VIT: variants seen among roughly 807,000 people sequenced by gnomAD.
VIT encodes vitrin.
A neutral mutation model predicts 78.0 loss-of-function variants in VIT; 99 were observed. The observed-to-expected ratio is 1.27, with a 90% confidence interval of 1.08 to 1.50. VIT has a LOEUF of 1.50. Ranked by LOEUF, VIT falls within the 40% of genes most tolerant of loss-of-function variation. The pLI, the probability that VIT is intolerant of heterozygous loss-of-function variation, is 0.00. For missense variants in VIT, 1,126 were observed against 875.3 expected, an observed-to-expected ratio of 1.29 and a Z score of -3.61; for synonymous variants, 374 against 334.3, an observed-to-expected ratio of 1.12 and a Z score of -1.29.
At chr2:36,753,475 T>C (rs777301609) in intron 4 of VIT, among the ~76,000 whole-genome samples, 14 of 152,192 alleles carry the variant, frequency 9.2e-5, no homozygotes, top group Non-Finnish European at 1.3e-4. Flanking sequence ...TTCCATTTTG[T>C]TGAGAGACAA....
At chr2:36,789,559 G>C (rs969709017) in intron 12 of VIT, among the ~76,000 whole-genome samples, 2 of 152,070 alleles carry the variant, frequency 1.3e-5, no homozygotes, top group Non-Finnish European at 2.9e-5. Context: ...TGAGGCTGAG[G>C]GGGAGACACA....
chr2:36,799,244 C>A (rs1327572677), intron 12 of VIT, among the ~76,000 whole-genome samples: 2 of 152,182 alleles, frequency 1.3e-5, no homozygotes, highest in Non-Finnish European at 2.9e-5. Flanking sequence ...CAGACACTTT[C>A]TCCTCTCTCC....
chr2:36,724,287 G>A (rs1232114803), intron 2 of VIT, among the ~76,000 whole-genome samples: 1 of 152,118 alleles, frequency 6.6e-6, no homozygotes, highest in Non-Finnish European at 1.5e-5. Flanking sequence ...CTGCATGATT[G>A]CCTTGGAATT....
intron 12 of VIT, among the ~76,000 whole-genome samples, chr2:36,793,236 G>T (rs1665631183): frequency 6.6e-6 from 1 of 152,184 alleles, no homozygotes; most frequent in South Asian, 2.1e-4. Context: ...AGCAGGAAGA[G>T]GTTCATGCAG....
At chr2:36,739,221 C>G (rs1487080476) in intron 3 of VIT, among the ~76,000 whole-genome samples, 2 of 151,980 alleles carry the variant, frequency 1.3e-5, no homozygotes, top group African/African-American at 2.4e-5. Context: ...AGGCATGAGG[C>G]AAGCTTACGA....
At chr2:36,706,005 C>T (rs1329680935) in intron 1 of VIT, among the ~76,000 whole-genome samples, 2 of 152,174 alleles carry the variant, frequency 1.3e-5, no homozygotes, top group South Asian at 2.1e-4. Context: ...ATGTCTCCTG[C>T]GGGACCAAAT....
At chr2:36,800,208 G>A (rs912243158) in intron 12 of VIT, among the ~76,000 whole-genome samples, 1 of 152,106 alleles carries the variant, frequency 6.6e-6, no homozygotes, top group African/African-American at 2.4e-5. Flanking sequence ...AGCCAGGCGC[G>A]GTGGCAGGTG....
chr2:36,747,113 A>G (rs1200465178), intron 4 of VIT, among the ~76,000 whole-genome samples: 1 of 152,104 alleles, frequency 6.6e-6, no homozygotes, highest in African/African-American at 2.4e-5. Flanking sequence ...TGGCTTTGAG[A>G]GATCTTCTTG....
intron 12 of VIT, among the ~76,000 whole-genome samples, chr2:36,799,461 T>C (rs1666154295): frequency 6.6e-6 from 1 of 152,112 alleles, no homozygotes; most frequent in African/African-American, 2.4e-5. Context: ...ATCTGTAATC[T>C]TGGCACTTTG....
intron 10 of VIT, among the ~76,000 whole-genome samples, chr2:36,782,856 CAG>C: frequency 6.6e-6 from 1 of 152,320 alleles, no homozygotes; most frequent in East Asian, 1.9e-4. Context: ...TGTCTTCCTC[CAG>C]TCCACATCCA....
At chr2:36,766,847 A>G (rs1350896441) in intron 6 of VIT, among the ~76,000 whole-genome samples, 1 of 152,182 alleles carries the variant, frequency 6.6e-6, no homozygotes, top group East Asian at 1.9e-4. Context: ...TCTATGTTCT[A>G]TGTTGCTATA....
chr2:36,764,120 A>C (rs1669282166), intron 6 of VIT, among the ~76,000 whole-genome samples: 1 of 152,242 alleles, frequency 6.6e-6, no homozygotes, highest in Non-Finnish European at 1.5e-5. Context: ...ACAAAAAGAT[A>C]ATTCCGATTT....
chr2:36,781,650 T>C (rs1183938213), intron 9 of VIT, 77 bp from the exon 10 acceptor site: 2 of 1,532,612 alleles, frequency 1.3e-6, no homozygotes, highest in Non-Finnish European at 1.8e-6. Flanking sequence ...AACCTTATCA[T>C]CCCGGCAATT....
intron 4 of VIT, among the ~76,000 whole-genome samples, chr2:36,743,820 T>C (rs1201548738): frequency 6.6e-6 from 1 of 152,158 alleles, no homozygotes; most frequent in Non-Finnish European, 1.5e-5. Flanking sequence ...TTTTCAACTC[T>C]TATTTTAGAT....
chr2:36,762,272 T>C (rs1669170403), intron 6 of VIT, among the ~76,000 whole-genome samples: 1 of 152,222 alleles, frequency 6.6e-6, no homozygotes, highest in South Asian at 2.1e-4. Context: ...CAAGCATTGC[T>C]GATGTCACTT....
chr2:36,713,753 G>A (rs1036051085), intron 1 of VIT, among the ~76,000 whole-genome samples: 5 of 152,204 alleles, frequency 3.3e-5, no homozygotes, highest in Admixed American at 6.5e-5. Context: ...GTAAGAGAAA[G>A]AGAAAGAGAA....
chr2:36,734,477 C>A (rs941782531), intron 3 of VIT, among the ~76,000 whole-genome samples: 3 of 152,120 alleles, frequency 2.0e-5, no homozygotes, highest in African/African-American at 7.2e-5. Flanking sequence ...GGCCTCCTCT[C>A]AAGCTGGGTG....
At chr2:36,697,580 T>G (rs886680311) in intron 1 of VIT, among the ~76,000 whole-genome samples, 1 of 152,244 alleles carries the variant, frequency 6.6e-6, no homozygotes, top group Admixed American at 6.5e-5. Flanking sequence ...CTGGCATTGT[T>G]AAGTCTGCCA....
At chr2:36,750,880 C>G (rs577541378) in intron 4 of VIT, among the ~76,000 whole-genome samples, 2 of 152,208 alleles carry the variant, frequency 1.3e-5, no homozygotes, top group Middle Eastern at 6.8e-3. Flanking sequence ...TTCTCTCCTT[C>G]TAGCAGCATC....
Sources: allele counts gnomAD v4.1 joint callset (sites outside exome capture counted in the v4.1 genomes callset), GRCh38; gene constraint gnomAD v4.1.1; transcripts MANE v1.5; gene names NCBI Gene and HGNC (gene_info 2026-07-23, HGNC 2026-07-21).